Variants in CARS2 observed in about 807,000 individuals in gnomAD.
CARS2 encodes the protein cysteinyl-tRNA synthetase 2, mitochondrial, also known as probable cysteine--tRNA ligase, mitochondrial.
A neutral mutation model predicts 68.8 loss-of-function variants in CARS2; 52 were observed. The ratio of observed to expected loss-of-function variants is 0.76; its 90% CI spans 0.61 to 0.95. The LOEUF is 0.95. Among genes scored for constraint, CARS2 ranks in the 40% least tolerant of loss-of-function variants. CARS2 has a pLI of 0.00. For missense variants in CARS2, 780 were observed against 754.2 expected, an observed-to-expected ratio of 1.03 and a Z score of -0.40; for synonymous variants, 314 against 303.6, an observed-to-expected ratio of 1.03 and a Z score of -0.36.
upstream of CARS2, among the ~76,000 whole-genome samples, chr13:110,708,873 C>T (rs369802624): frequency 8.7e-4 from 133 of 152,072 alleles, no homozygotes; most frequent in African/African-American, 3.0e-3. Context: ...TCTGCCTCAG[C>T]CTCCCGAGTA....
chr13:110,692,293 A>T (rs2063493399), intron 3 of CARS2, among the ~76,000 whole-genome samples: 1 of 151,550 alleles, frequency 6.6e-6, no homozygotes, highest in African/African-American at 2.4e-5. Flanking sequence ...AACATGGAGA[A>T]ACCCCGTCTC....
At position 110,644,459 on chromosome 13, in the gene CARS2, C is replaced by T. The variant is rs770803367; in HGVS notation, c.1342G>A (p.Ala448Thr). Residue 448 changes from alanine (A) to threonine (T), a missense_variant, in exon 13 of 15, where the codon GCT becomes ACT. Coordinates refer to ENST00000257347, the MANE Select transcript of CARS2 (RefSeq NM_024537.4). ...TAAGAGATGATGGCACCAAACACAG[C>T]AGGACTTCTCGGCCCTTCAGGTTCC... ...LKEPEGPRSPAVFGAIISYFE... is the reference protein window; with the variant it reads ...LKEPEGPRSPTVFGAIISYFE... The T allele has an allele frequency of 6.2e-7, 1 of 1,614,092 alleles. No homozygotes were observed. Among genetic ancestry groups the T allele is most frequent in the Non-Finnish European group, 8.5e-7 (1 of 1,180,028 alleles).
chr13:110,665,483 AG>A lies in CARS2; in HGVS notation c.919+1856del. 1.0e-6 allele frequency: 1 copy of A among 985,490 alleles called. No individual in the cohort carries two copies. Among genetic ancestry groups the A allele is most frequent in the African/African-American group, 1.7e-5 (1 of 57,352 alleles). 61.0% of individuals were successfully genotyped at this position (985,490 alleles called of 1,614,324 possible). Reference sequence around the variant, plus strand: ...AATGCTTTCCCATTCCCACATCGGAAGGTGAACACGACCTCCGTTTCTAGAC... The same window carrying A: ...AATGCTTTCCCATTCCCACATCGGAAGTGAACACGACCTCCGTTTCTAGAC... On this transcript the variant is annotated intron_variant, in intron 8 of 14. Transcript: ENST00000257347. The surrounding 1 kb of genome is among the most constrained non-coding windows in gnomAD (Gnocchi z 4.3).
At chr13:110,713,095 A>C (rs1033639453) in intron 1 of CARS2, 1 of 1,438,902 alleles carries the variant, frequency 6.9e-7, no homozygotes, top group Non-Finnish European at 9.1e-7. Flanking sequence ...CTCCCGGAGG[A>C]CTTGGGTTTC....
intron 14 of CARS2, 69 bp from the exon 15 acceptor site, chr13:110,641,677 G>T (rs1433567184): frequency 7.8e-7 from 1 of 1,284,872 alleles, no homozygotes; most frequent in South Asian, 1.2e-5. Flanking sequence ...GCTGACAGGC[G>T]TAATCAGGTT....
At chr13:110,713,236 T>G (rs923092866) in exon 1 of CARS2, 1 of 1,396,336 alleles carries the variant, frequency 7.2e-7, no homozygotes, top group Non-Finnish European at 9.3e-7. Flanking sequence ...GCCCTACTTA[T>G]ACTGCTCTGT....
intron 3 of CARS2, among the ~76,000 whole-genome samples, chr13:110,688,225 A>G (rs758553966): frequency 8.6e-5 from 13 of 151,830 alleles, no homozygotes; most frequent in Admixed American, 2.6e-4. Context: ...TAGCTAGAAA[A>G]AAAGGCTTAT....
intron 12 of CARS2, 42 bp downstream of exon 12, chr13:110,645,925 C>A (rs777038198): frequency 6.2e-7 from 1 of 1,600,306 alleles, no homozygotes; most frequent in Admixed American, 1.7e-5. Context: ...CGACCCATGC[C>A]CCTGGCAGCA....
At position 110,665,368 on chromosome 13, in the gene CARS2, C is replaced by T; in HGVS notation, c.920-1850G>A. 1 of 845,810 alleles carries T rather than the reference C, an allele frequency of 1.2e-6. No homozygotes were observed. Among genetic ancestry groups the T allele is most frequent in the Non-Finnish European group, 1.4e-6 (1 of 702,446 alleles). 52.4% of individuals were successfully genotyped at this position (845,810 alleles called of 1,614,324 possible). On this transcript the variant is annotated intron_variant, in intron 8 of 14. Coordinates refer to ENST00000257347, the MANE Select transcript of CARS2 (RefSeq NM_024537.4). The surrounding 1 kb of genome is among the most constrained non-coding windows in gnomAD (Gnocchi z 4.3). ...AGCTGAGGCAGGAGAATTGCTTGAA[C>T]CCAGGAGGCAGAGGTTGCGGTGAGC...
intron 3 of CARS2, 104 bp downstream of exon 3, chr13:110,701,334 G>C (rs2063778987): frequency 1.5e-6 from 1 of 670,012 alleles, no homozygotes; most frequent in African/African-American, 1.8e-5. Context: ...AAAGTGCTGG[G>C]ATTACAGGCG....
At chr13:110,686,015 A>G (rs2063293560) in intron 5 of CARS2, among the ~76,000 whole-genome samples, 1 of 150,112 alleles carries the variant, frequency 6.7e-6, no homozygotes. Context: ...AAAGAGAAAA[A>G]AAGAAAAAAA....
chr13:110,712,211 T>C (rs2064034794), intron 1 of CARS2: 1 of 152,806 alleles, frequency 6.5e-6, no homozygotes, highest in Admixed American at 6.5e-5. Flanking sequence ...GTTCGTGGAA[T>C]ACACAGGCAG....
intron 3 of CARS2, among the ~76,000 whole-genome samples, chr13:110,695,850 C>T (rs960910798): frequency 6.6e-6 from 1 of 150,982 alleles, no homozygotes; most frequent in African/African-American, 2.4e-5. Context: ...CACAGGTATA[C>T]ACGTGCCATG....
In CARS2 at chr13:110,647,161, C is replaced by G. The variant is rs770630631; in HGVS notation, c.1133G>C (p.Arg378Pro). 1 of 1,611,918 alleles carries G rather than the reference C, an allele frequency of 6.2e-7. No homozygotes were observed. Among genetic ancestry groups the G allele is most frequent in the Non-Finnish European group, 8.5e-7 (1 of 1,179,468 alleles). The change falls in exon 11 of 15, where the codon CGT (arginine) becomes CCT (proline). Residue 378 changes from arginine (R) to proline (P), a missense_variant. By Grantham distance (103) the Arg-to-Pro change is moderately radical (BLOSUM62 -2). Coordinates refer to ENST00000257347, the MANE Select transcript of CARS2 (RefSeq NM_024537.4). ...LGLGSFLEDA[R>P]AYMKGQLACG... ...GGCCAGCTGCCCCTTCATGTAGGCA[C>G]GTGCGTCCTCCAGGAAAGAGCCCAG...
chr13:110,691,987 GAA>G (rs36121848), intron 3 of CARS2, among the ~76,000 whole-genome samples: 1,979 of 76,790 alleles, frequency 0.026, 29 homozygotes, highest in African/African-American at 0.098. Flanking sequence ...AAGCTGTGCA[GAA>G]AAAAAAAAAA....
chr13:110,663,829 T>C, intron 8 of CARS2: 1 of 1,134,916 alleles, frequency 8.8e-7, no homozygotes, highest in Non-Finnish European at 1.1e-6. Context: ...TCATCTATTT[T>C]CTCCTCTCCT....
chr13:110,712,948 G>A, intron 1 of CARS2: 3 of 1,559,472 alleles, frequency 1.9e-6, no homozygotes, highest in Non-Finnish European at 2.6e-6. Flanking sequence ...CGCCTAGGCT[G>A]CTGGGAGTGG....
At chr13:110,692,581 G>A in intron 3 of CARS2, among the ~76,000 whole-genome samples, 1 of 92,090 alleles carries the variant, frequency 1.1e-5, no homozygotes, top group Middle Eastern at 7.5e-3. Context: ...TTTTTTTGCT[G>A]TTCTATATGA....
chr13:110,691,937 A>G (rs1014032682), intron 3 of CARS2, among the ~76,000 whole-genome samples: 1 of 149,626 alleles, frequency 6.7e-6, no homozygotes, highest in Non-Finnish European at 1.5e-5. Context: ...ACCTTCCTGA[A>G]TAATACATGC....
Sources: gnomAD v4.1 joint callset for allele counts (sites outside exome capture counted in the v4.1 genomes callset) on GRCh38, gnomAD v4.1.1 for gene constraint, Gnocchi (gnomAD v3.1) non-coding constraint, MANE v1.5 for transcripts, NCBI Gene and HGNC (gene_info 2026-07-23, HGNC 2026-07-21) for gene names.